The following ING5 variants were observed in gnomAD, a reference collection of about 807,000 sequenced individuals.
The protein encoded by ING5 is inhibitor of growth family member 5, also known as inhibitor of growth protein 5.
ING5 carries 17 observed loss-of-function variants against 37.4 expected under a neutral mutation model. The ratio of observed to expected loss-of-function variants is 0.45; its 90% CI spans 0.31 to 0.68. The LOEUF is 0.68. ING5 is among the 30% of genes least tolerant of loss of function. ING5 has a pLI of 0.05. For missense variants in ING5, 233 were observed against 311.9 expected (o/e 0.75, Z 1.91); for synonymous variants, 123 against 116.6 (o/e 1.06, Z -0.36).
rs1389386732 is a variant in ING5, at chr2:241,726,268, A to T, written c.*1237A>T. On this transcript the variant is annotated 3_prime_UTR_variant, in exon 8 of 8. Transcript: ENST00000313552. ...GGAAAACTGAGACGTGAGGTTCCTGATTTAAGAAGCCTGGGTTTCTTCATG... is the reference window on the plus strand; with the variant it reads ...GGAAAACTGAGACGTGAGGTTCCTGTTTTAAGAAGCCTGGGTTTCTTCATG... 6.6e-6 allele frequency: 1 copy of T among 152,232 alleles called. No homozygotes were observed. The highest frequency in any genetic ancestry group is 6.5e-5 in the Admixed American group (1 of 15,284). The allele number at this position is 152,232 out of a possible 1,614,324, so 9.4% of individuals were successfully genotyped here. A position where few individuals can be genotyped will look rare whatever the true frequency, so the allele number is the denominator to read the frequency against.
chr2:241,724,998 A>C lies in ING5; in HGVS notation c.690A>C (p.Pro230=), dbSNP rs781410806. 6 of 1,613,962 alleles carry C rather than the reference A, an allele frequency of 3.7e-6. No individual in the cohort carries two copies. The African/African-American group carries it at 8.0e-5, about 22-fold the overall frequency. Reference sequence around the variant, plus strand: ...GCCTTTCTTGTCACAGGTTCTGTCCACGGTGTGTCCAGGAAAAGAGGAAGA... The same window carrying C: ...GCCTTTCTTGTCACAGGTTCTGTCCCCGGTGTGTCCAGGAAAAGAGGAAGA... The part of the protein sequence containing the change: ...TTKPKGKWFC[P]RCVQEKRKKK Residue 230 remains proline (P), a synonymous_variant, in exon 8 of 8, where the codon CCA becomes CCC. Coordinates refer to ENST00000313552, the MANE Select transcript of ING5 (RefSeq NM_032329.6).
chr2:241,711,418 C>T lies in ING5; in HGVS notation c.318C>T (p.Arg106=), dbSNP rs952013128. 5.6e-6 allele frequency: 9 copies of T among 1,593,122 alleles called. No individual in the cohort carries two copies. The highest frequency in any genetic ancestry group is 5.5e-5 in the African/African-American group (4 of 73,336). Residue 106 remains arginine (R), a synonymous_variant, in exon 4 of 8, where the codon CGC becomes CGT. Coordinates refer to ENST00000313552, the MANE Select transcript of ING5 (RefSeq NM_032329.6). The stretch of plus-strand genomic sequence containing the variant: ...GAAGGCTTGATGCAGACCTGGCGCG[C>T]TTTGAAGCAGATCTGAAGGACAAGA... ...HIRRLDADLA[R]FEADLKDKME...
chr2:241,687,653 G>A (rs1167782990), exon 1 of ING5: 4 of 260,948 alleles, frequency 1.5e-5, no homozygotes, highest in African/African-American at 8.9e-5. Flanking sequence ...TCAGCCTCCC[G>A]AGTAGCTGGG....
At chr2:241,706,368 G>T (rs2069910519) in intron 2 of ING5, among the ~76,000 whole-genome samples, 1 of 152,154 alleles carries the variant, frequency 6.6e-6, no homozygotes, top group Admixed American at 6.5e-5. Flanking sequence ...GGTGGCTCAT[G>T]CCTGTAATCC....
Position 241,728,502 on chromosome 2 carries a change from C to T in ING5, c.*3471C>T, listed in dbSNP as rs962612467. Reference sequence around the variant, plus strand: ...CTACCCATTTTCCTTGTTTTCAGTGCTGCGGTATCAGTCAGTGATCTGAGG... The same window carrying T: ...CTACCCATTTTCCTTGTTTTCAGTGTTGCGGTATCAGTCAGTGATCTGAGG... On this transcript the variant is annotated 3_prime_UTR_variant, in exon 8 of 8. Coordinates refer to ENST00000313552, the MANE Select transcript of ING5 (RefSeq NM_032329.6). 1 of 152,708 alleles carries T rather than the reference C, an allele frequency of 6.5e-6. No individual in the cohort carries two copies. The highest frequency in any genetic ancestry group is 1.9e-4 in the East Asian group (1 of 5,198). 9.5% of individuals were successfully genotyped at this position (152,708 alleles called of 1,614,324 possible). A position where few individuals can be genotyped will look rare whatever the true frequency, so the allele number is the denominator to read the frequency against.
rs1361220704 is a variant in ING5 at position 241,726,691 on chromosome 2, G to C, written c.*1660G>C. On this transcript the variant is annotated 3_prime_UTR_variant, in exon 8 of 8. Coordinates refer to ENST00000313552, the MANE Select transcript of ING5 (RefSeq NM_032329.6). The stretch of plus-strand genomic sequence containing the variant: ...CTGGGCCTGAAGGGGCTCCCTCCAA[G>C]CGGTGCCTTCCTGCGGCTTAGAAGG... 1 of 152,338 alleles carries C rather than the reference G, an allele frequency of 6.6e-6. No homozygotes were observed. The highest frequency in any genetic ancestry group is 6.5e-5 in the Admixed American group (1 of 15,282). The allele number at this position is 152,338 out of a possible 1,614,324, so 9.4% of individuals were successfully genotyped here. A position where few individuals can be genotyped will look rare whatever the true frequency, so the allele number is the denominator to read the frequency against.
intron 2 of ING5, among the ~76,000 whole-genome samples, chr2:241,690,926 CCT>C (rs1030401818): frequency 5.9e-5 from 9 of 151,738 alleles, no homozygotes; most frequent in African/African-American, 2.2e-4. Flanking sequence ...CCTGCCTCAG[CCT>C]CCCAAGTAGC....
At chr2:241,709,618 GT>G (rs1487161969) in intron 3 of ING5, among the ~76,000 whole-genome samples, 1 of 148,368 alleles carries the variant, frequency 6.7e-6, no homozygotes, top group Non-Finnish European at 1.5e-5. Flanking sequence ...AACCATTTGG[GT>G]TTTTTTTGAG....
intron 2 of ING5, 151 bp downstream of exon 2, chr2:241,704,875 C>G: frequency 1.5e-6 from 1 of 654,520 alleles, no homozygotes; most frequent in Admixed American, 2.5e-5. Context: ...CAGTGTCTTG[C>G]AGTAGGTGTT....
intron 5 of ING5, chr2:241,719,444 G>T: frequency 9.7e-7 from 1 of 1,025,676 alleles, no homozygotes; most frequent in Non-Finnish European, 1.5e-6. Context: ...TGAGAATGTG[G>T]TTTTTGTGAC....
chr2:241,709,091 C>A, intron 2 of ING5, 125 bp from the exon 3 acceptor site: 1 of 1,016,106 alleles, frequency 9.8e-7, no homozygotes, highest in Non-Finnish European at 1.5e-6. Flanking sequence ...ACCAGCACAG[C>A]GTGAGTTCAT....
intron 2 of ING5, chr2:241,694,009 T>C (rs974052913): frequency 6.6e-6 from 1 of 151,828 alleles, no homozygotes; most frequent in Non-Finnish European, 1.5e-5. Flanking sequence ...TTGCCAGTTT[T>C]GTGTGTGTGA....
At chr2:241,702,890 T>TG (rs967653218) in intron 1 of ING5, among the ~76,000 whole-genome samples, 2 of 152,140 alleles carry the variant, frequency 1.3e-5, no homozygotes, top group African/African-American at 2.4e-5. Flanking sequence ...TCGCGGTGTT[T>TG]GGGGTTGTGC....
chr2:241,723,293 C>G (rs1182895742), intron 7 of ING5, 22 bp downstream of exon 7: 3 of 1,611,866 alleles, frequency 1.9e-6, no homozygotes, highest in African/African-American at 2.7e-5. Flanking sequence ...GACGCTCGCT[C>G]TGTTTTCTCC....
chr2:241,715,321 A>G lies in ING5; in HGVS notation c.482+3250A>G, dbSNP rs540187506. ...GAGATCCTCCCACTTCGGCCTCCCA[A>G]GTAGCTGGGACCACAAGTGCATGCC... On this transcript the variant is annotated intron_variant, in intron 5 of 7. Coordinates refer to ENST00000313552, the MANE Select transcript of ING5 (RefSeq NM_032329.6). 2.5e-3 allele frequency among the ~76,000 whole-genome samples: 378 copies of G among 151,814 alleles called. 2 individuals carry two copies. The highest frequency in any genetic ancestry group is 4.1e-3 in the Non-Finnish European group (278 of 67,948).
chr2:241,725,038 C>T lies in ING5; in HGVS notation c.*7C>T, dbSNP rs1691551638. 6.2e-7 allele frequency: 1 copy of T among 1,613,816 alleles called. No homozygotes were observed. The highest frequency in any genetic ancestry group is 1.7e-5 in the Admixed American group (1 of 60,010). On this transcript the variant is annotated 3_prime_UTR_variant, in exon 8 of 8. Transcript: ENST00000313552. ...AAAGAGGAAGAAGAAGTAGGAGGAG[C>T]TGTGTGCCCGGATCCGAGGAGCAAG...
intron 2 of ING5, among the ~76,000 whole-genome samples, chr2:241,696,390 C>G (rs2069630411): frequency 6.6e-6 from 1 of 150,714 alleles, no homozygotes; most frequent in East Asian, 1.9e-4. Flanking sequence ...GACTCCATCT[C>G]AAAAACAAAA....
intron 2 of ING5, among the ~76,000 whole-genome samples, chr2:241,705,841 C>A (rs1331837526): frequency 1.3e-5 from 2 of 152,274 alleles, no homozygotes; most frequent in South Asian, 2.1e-4. Context: ...CCTCACATGC[C>A]CTCACCTGGC....
At chr2:241,705,706 C>T (rs1312434937) in intron 2 of ING5, among the ~76,000 whole-genome samples, 13 of 152,136 alleles carry the variant, frequency 8.5e-5, no homozygotes, top group Admixed American at 7.2e-4. Flanking sequence ...GCGCCCGGCC[C>T]TTAAACTCCC....
Sources: gnomAD v4.1 joint callset for allele counts (sites outside exome capture counted in the v4.1 genomes callset) on GRCh38, gnomAD v4.1.1 for gene constraint, MANE v1.5 for transcripts, NCBI Gene and HGNC (gene_info 2026-07-23, HGNC 2026-07-21) for gene names.